NFIB: variants seen among roughly 807,000 people sequenced by gnomAD.
NFIB encodes nuclear factor I B, also known as nuclear factor 1 B-type.
NFIB carries 11 observed loss-of-function variants against 61.5 expected under a neutral mutation model. The ratio of observed to expected loss-of-function variants is 0.18; its 90% CI spans 0.11 to 0.30. The LOEUF (loss-of-function observed/expected upper bound fraction) is 0.30. Ranked by LOEUF, NFIB falls within the 10% of genes least tolerant of loss-of-function variation. The probability of loss-of-function intolerance (pLI) is 1.00; values close to 1 mark genes in which losing one functional copy is unlikely to be tolerated. For synonymous variants in NFIB, 260 were observed against 216.5 expected (o/e 1.20, Z -1.76); for missense variants, 471 against 608.9 (o/e 0.77, Z 2.38).
At chr9:14,341,205 G>A (rs1364367556) in intron 1 of NFIB, among the ~76,000 whole-genome samples, 1 of 152,148 alleles carries the variant, frequency 6.6e-6, no homozygotes, top group African/African-American at 2.4e-5. Flanking sequence ...ATCCCTAAAT[G>A]ACTAAGTGCT....
the NFIB span, among the ~76,000 whole-genome samples, chr9:14,404,766 G>A: frequency 8.5e-5 from 13 of 152,168 alleles, no homozygotes; most frequent in South Asian, 2.1e-4. Context: ...CTATTCTAGC[G>A]TGGATGGTGT....
chr9:14,118,268 A>G (rs1413798871), intron 8 of NFIB, among the ~76,000 whole-genome samples: 1 of 152,148 alleles, frequency 6.6e-6, no homozygotes, highest in Non-Finnish European at 1.5e-5. Context: ...GGTACATTCA[A>G]TGGTAAAAAT....
chr9:14,221,441 A>G (rs2051662222), intron 2 of NFIB, among the ~76,000 whole-genome samples: 1 of 152,216 alleles, frequency 6.6e-6, no homozygotes, highest in South Asian at 2.1e-4. Flanking sequence ...TTGTATTTAT[A>G]TGTGCATTAT....
intron 2 of NFIB, among the ~76,000 whole-genome samples, chr9:14,183,550 C>T (rs1336458043): frequency 6.6e-6 from 1 of 151,974 alleles, no homozygotes; most frequent in Non-Finnish European, 1.5e-5. Flanking sequence ...ACTACAGGCG[C>T]ACACCACCAC....
the NFIB span, among the ~76,000 whole-genome samples, chr9:14,405,734 G>A: frequency 6.6e-6 from 1 of 152,206 alleles, no homozygotes; most frequent in African/African-American, 2.4e-5. Flanking sequence ...AAAACAGTAG[G>A]AAATCAGAAT....
At position 14,118,737 on chromosome 9, in the gene NFIB, G is replaced by C. The variant is rs149856001; in HGVS notation, c.1245+1703C>G. 6.2e-3 allele frequency among the ~76,000 whole-genome samples: 940 copies of C among 150,972 alleles called. 13 individuals carry two copies. The highest frequency in any genetic ancestry group is 0.022 in the African/African-American group (908 of 41,270). On this transcript the variant is annotated intron_variant, in intron 8 of 10. Transcript: ENST00000380953. The stretch of plus-strand genomic sequence containing the variant: ...CACGGTTCCTATTATACAAAATCCT[G>C]AGAGTTTTTTTGTTGCTAGTTTTTC...
At chr9:14,312,383 T>C (rs1564000463) in intron 1 of NFIB, among the ~76,000 whole-genome samples, 1 of 152,272 alleles carries the variant, frequency 6.6e-6, no homozygotes, top group Admixed American at 6.5e-5. Context: ...TGACTAGTTT[T>C]CATGGCAATG....
chr9:14,252,967 AAGGGAGGG>A (rs373082936), intron 2 of NFIB, among the ~76,000 whole-genome samples: 3 of 137,384 alleles, frequency 2.2e-5, no homozygotes, highest in Non-Finnish European at 4.7e-5. Flanking sequence ...GGAAGGAAGG[AAGGGAGGG>A]AGGGAGGGAG....
chr9:14,436,912 T>G, the NFIB span, among the ~76,000 whole-genome samples: 6 of 151,784 alleles, frequency 4.0e-5, 1 homozygote, highest in Non-Finnish European at 8.8e-5. Context: ...AGATAATATA[T>G]GAGCTGGCAC....
chr9:14,296,005 G>C (rs1020565722), intron 2 of NFIB, among the ~76,000 whole-genome samples: 5 of 152,146 alleles, frequency 3.3e-5, no homozygotes, highest in Admixed American at 2.0e-4. Flanking sequence ...CACACAACTA[G>C]CTAACTTCAT....
chr9:14,254,875 T>C (rs2056063634), intron 2 of NFIB, among the ~76,000 whole-genome samples: 1 of 152,178 alleles, frequency 6.6e-6, no homozygotes, highest in South Asian at 2.1e-4. Context: ...TAATGATCTT[T>C]TGCTCCTCTT....
At chr9:14,295,947 G>C (rs370796398) in intron 2 of NFIB, among the ~76,000 whole-genome samples, 1 of 152,086 alleles carries the variant, frequency 6.6e-6, no homozygotes, top group Non-Finnish European at 1.5e-5. Context: ...AGACAAAAAG[G>C]CTTCTAAAAC....
At chr9:14,497,143 T>C in the NFIB span, among the ~76,000 whole-genome samples, 1 of 152,256 alleles carries the variant, frequency 6.6e-6, no homozygotes, top group Non-Finnish European at 1.5e-5. Flanking sequence ...TTGAGGGTCT[T>C]AAGTTATATT....
At chr9:14,434,394 C>A in the NFIB span, among the ~76,000 whole-genome samples, 2 of 152,200 alleles carry the variant, frequency 1.3e-5, no homozygotes, top group Non-Finnish European at 1.5e-5. Flanking sequence ...ACATATGAGT[C>A]TGAGCCTCTT....
the NFIB span, among the ~76,000 whole-genome samples, chr9:14,420,445 C>CAAAAAAAAAA: frequency 5.4e-4 from 23 of 42,422 alleles, 1 homozygote; most frequent in African/African-American, 7.6e-4. Context: ...GACTCCGTCT[C>CAAAAAAAAAA]AAAAAAAAAA....
Position 14,313,404 on chromosome 9 carries a change from G to T in NFIB, c.30+78C>A. The T allele has an allele frequency of 6.3e-7, 1 of 1,598,100 alleles. No individual in the cohort carries two copies. Among genetic ancestry groups the T allele is most frequent in the African/African-American group, 1.3e-5 (1 of 74,644 alleles). ...GGATGTGCGGAGGTTAACTCAAGCC[G>T]CTAATTGTCCGCAACAAAACAAAAC... On this transcript the variant is annotated intron_variant, in intron 1 of 10. Transcript: ENST00000380953. This position sits in a 1 kb window ranked among gnomAD's most constrained non-coding sequence, Gnocchi z 4.5.
At chr9:14,419,287 TAAA>T in the NFIB span, among the ~76,000 whole-genome samples, 5 of 127,072 alleles carry the variant, frequency 3.9e-5, no homozygotes, top group Admixed American at 8.0e-5. Context: ...GCAGCACTGT[TAAA>T]AAAAAAAAAA....
At chr9:14,470,526 G>T in the NFIB span, among the ~76,000 whole-genome samples, 1 of 152,174 alleles carries the variant, frequency 6.6e-6, no homozygotes, top group African/African-American at 2.4e-5. Context: ...GGGCCAGATG[G>T]TCATCTCTGG....
chr9:14,257,958 T>G (rs554158957), intron 2 of NFIB, among the ~76,000 whole-genome samples: 1 of 152,172 alleles, frequency 6.6e-6, no homozygotes, highest in Non-Finnish European at 1.5e-5. Flanking sequence ...CTCCTATAAA[T>G]AGATTTTGTT....
Sources: allele counts gnomAD v4.1 joint callset (sites outside exome capture counted in the v4.1 genomes callset), GRCh38; gene constraint gnomAD v4.1.1; non-coding constraint Gnocchi (gnomAD v3.1); transcripts MANE v1.5; gene names NCBI Gene and HGNC (gene_info 2026-07-23, HGNC 2026-07-21).